Variants in NFYC observed in about 807,000 individuals in gnomAD.
NFYC encodes the protein CAAT box DNA-binding protein subunit C.
NFYC carries 25 observed loss-of-function variants against 53.1 expected under a neutral mutation model. That is an observed-to-expected ratio of 0.47 (90% confidence interval 0.34 to 0.66). NFYC has a LOEUF of 0.66. Among genes scored for constraint, NFYC ranks in the 30% least tolerant of loss-of-function variants. The pLI, the probability that NFYC is intolerant of heterozygous loss-of-function variation, is 0.01. For synonymous variants in NFYC, 145 were observed against 152.6 expected (o/e 0.95, Z 0.37); for missense variants, 260 against 422.7 (o/e 0.62, Z 3.38).
At chr1:40,700,974 G>C (rs1251839782) in intron 1 of NFYC, among the ~76,000 whole-genome samples, 1 of 152,178 alleles carries the variant, frequency 6.6e-6, no homozygotes, top group African/African-American at 2.4e-5. Context: ...ACATGGGGCT[G>C]GGAAAATCAG....
chr1:40,718,806 G>A (rs1644229992), intron 1 of NFYC, among the ~76,000 whole-genome samples: 1 of 152,162 alleles, frequency 6.6e-6, no homozygotes, highest in East Asian at 1.9e-4. Context: ...CCCACATTTG[G>A]GTTCTCATCT....
intron 6 of NFYC, among the ~76,000 whole-genome samples, chr1:40,761,605 ACT>A (rs1646548437): frequency 6.6e-6 from 1 of 152,038 alleles, no homozygotes; most frequent in Non-Finnish European, 1.5e-5. Context: ...CTTTTAGAAC[ACT>A]CTGTCGTCTT....
intron 6 of NFYC, among the ~76,000 whole-genome samples, chr1:40,760,394 T>C (rs1397268416): frequency 6.6e-6 from 1 of 152,138 alleles, no homozygotes; most frequent in African/African-American, 2.4e-5. Flanking sequence ...TGGCAAGACC[T>C]TGTCTCAAAA....
chr1:40,748,560 G>A (rs1160084108), intron 3 of NFYC, among the ~76,000 whole-genome samples: 2 of 152,134 alleles, frequency 1.3e-5, no homozygotes, highest in Non-Finnish European at 2.9e-5. Flanking sequence ...TTTTGATAAT[G>A]ATATTCTACC....
chr1:40,767,917 A>G (rs574731428), intron 8 of NFYC, among the ~76,000 whole-genome samples: 50 of 152,320 alleles, frequency 3.3e-4, no homozygotes, highest in African/African-American at 1.2e-3. Context: ...TGGAGGTTGC[A>G]GTGAGCTGAG....
At chr1:40,725,837 A>T (rs1274547329) in intron 1 of NFYC, among the ~76,000 whole-genome samples, 2 of 152,242 alleles carry the variant, frequency 1.3e-5, no homozygotes, top group East Asian at 3.8e-4. Context: ...AAAGAGAGTC[A>T]CACAAATTTG....
At chr1:40,737,459 A>G (rs1252218857) in intron 1 of NFYC, among the ~76,000 whole-genome samples, 1 of 151,306 alleles carries the variant, frequency 6.6e-6, no homozygotes, top group African/African-American at 2.4e-5. Context: ...CTCCTGAGTA[A>G]CTGGGATTAC....
chr1:40,750,992 C>G (rs911506796), intron 4 of NFYC, among the ~76,000 whole-genome samples: 1 of 152,298 alleles, frequency 6.6e-6, no homozygotes, highest in Middle Eastern at 3.4e-3. Flanking sequence ...TAGACATTTT[C>G]TGATAAACAT....
At chr1:40,709,352 G>A (rs1319749484) in intron 1 of NFYC, 3 of 152,212 alleles carry the variant, frequency 2.0e-5, no homozygotes, top group African/African-American at 7.2e-5. Flanking sequence ...AGTGGAAGGA[G>A]GCTGCAGGGC....
intron 1 of NFYC, among the ~76,000 whole-genome samples, chr1:40,736,946 C>T (rs542918527): frequency 1.5e-3 from 227 of 150,806 alleles, no homozygotes; most frequent in Middle Eastern, 3.4e-3. Context: ...GCCAACATGG[C>T]GAAACCCCAT....
intron 1 of NFYC, chr1:40,712,255 A>G (rs889375632): frequency 1.3e-5 from 2 of 152,184 alleles, no homozygotes; most frequent in Admixed American, 1.3e-4. Flanking sequence ...ACATGACCCT[A>G]TTTATTTAAT....
chr1:40,749,224 A>G (rs1645777648), intron 3 of NFYC, among the ~76,000 whole-genome samples: 1 of 152,010 alleles, frequency 6.6e-6, no homozygotes, highest in African/African-American at 2.4e-5. Context: ...CTCCTTCCTC[A>G]TATTGTTTCT....
chr1:40,734,794 C>A (rs1644941378), intron 1 of NFYC: 1 of 152,172 alleles, frequency 6.6e-6, no homozygotes, highest in Non-Finnish European at 1.5e-5. Flanking sequence ...TTATGTTCTT[C>A]TAAGAGACAT....
At chr1:40,766,917 G>A in intron 8 of NFYC, 1 of 1,552,124 alleles carries the variant, frequency 6.4e-7, no homozygotes, top group Non-Finnish European at 8.7e-7. Flanking sequence ...TTGTTCTCAA[G>A]GGGCAAAGAA....
chr1:40,747,448 A>C, intron 2 of NFYC, 86 bp from the exon 3 acceptor site: 1 of 894,104 alleles, frequency 1.1e-6, no homozygotes, highest in East Asian at 2.5e-5. Context: ...AGAGGGACCA[A>C]GCCAGAGTGT....
chr1:40,743,242 C>T (rs1316634590), intron 2 of NFYC, among the ~76,000 whole-genome samples: 1 of 152,168 alleles, frequency 6.6e-6, no homozygotes, highest in East Asian at 1.9e-4. Context: ...TTCTTAAAAG[C>T]TCTGTAGTTG....
At chr1:40,710,306 T>C (rs1231176736) in intron 1 of NFYC, among the ~76,000 whole-genome samples, 2 of 152,242 alleles carry the variant, frequency 1.3e-5, no homozygotes, top group African/African-American at 2.4e-5. Context: ...TTTAGTTCTT[T>C]AAAATGATGT....
chr1:40,715,279 A>G (rs577893671), intron 1 of NFYC, among the ~76,000 whole-genome samples: 2 of 151,974 alleles, frequency 1.3e-5, no homozygotes, highest in South Asian at 2.1e-4. Context: ...AGTCCCAGCT[A>G]TACAGGAGGC....
intron 6 of NFYC, 167 bp downstream of exon 6, chr1:40,758,461 T>C (rs1646352144): frequency 1.4e-6 from 1 of 715,842 alleles, no homozygotes; most frequent in Non-Finnish European, 2.2e-6. Context: ...GGTGAGATGT[T>C]ACCCTAATCT....
Sources: allele counts gnomAD v4.1 joint callset (sites outside exome capture counted in the v4.1 genomes callset), GRCh38; gene constraint gnomAD v4.1.1; transcripts MANE v1.5; gene names NCBI Gene and HGNC (gene_info 2026-07-23, HGNC 2026-07-21).